The following SOCS2 variants were observed in gnomAD, a reference collection of about 807,000 sequenced individuals.
SOCS2 encodes CIS-2.
SOCS2 carries 10 observed loss-of-function variants against 18.6 expected under a neutral mutation model. The ratio of observed to expected loss-of-function variants is 0.54; its 90% CI spans 0.33 to 0.91. The LOEUF (loss-of-function observed/expected upper bound fraction) is 0.91. Among genes scored for constraint, SOCS2 ranks in the 40% least tolerant of loss-of-function variants. SOCS2 has a pLI of 0.02. For synonymous variants in SOCS2, 104 were observed against 104.0 expected, an observed-to-expected ratio of 1.00 and a Z score of 0.00; for missense variants, 231 against 247.2, an observed-to-expected ratio of 0.93 and a Z score of 0.44.
the SOCS2 span, among the ~76,000 whole-genome samples, chr12:93,617,254 A>G: frequency 6.6e-6 from 1 of 152,082 alleles, no homozygotes. Flanking sequence ...CCAGGGTGGG[A>G]TTTTTAGCAA....
At chr12:93,587,508 C>T (rs1261611351), downstream of SOCS2, among the ~76,000 whole-genome samples, 1 of 151,916 alleles carries the variant, frequency 6.6e-6, no homozygotes, top group Non-Finnish European at 1.5e-5. Flanking sequence ...AGTGAAACCC[C>T]GTCTCTACTA....
chr12:93,588,243 T>C (rs1415760588), downstream of SOCS2, among the ~76,000 whole-genome samples: 3 of 152,232 alleles, frequency 2.0e-5, no homozygotes, highest in East Asian at 3.8e-4. Flanking sequence ...TTACAGTTGT[T>C]GTAGGTATTT....
At chr12:93,587,554 G>A (rs1281668843), downstream of SOCS2, among the ~76,000 whole-genome samples, 3 of 151,840 alleles carry the variant, frequency 2.0e-5, no homozygotes, top group African/African-American at 2.4e-5. Context: ...GGTGGCACGC[G>A]CCTGTAGTCC....
At chr12:93,608,770 C>T in the SOCS2 span, among the ~76,000 whole-genome samples, 2 of 152,134 alleles carry the variant, frequency 1.3e-5, no homozygotes, top group African/African-American at 4.8e-5. Flanking sequence ...CTCCCATTCC[C>T]TGATGGGATG....
At chr12:93,615,787 G>T in the SOCS2 span, among the ~76,000 whole-genome samples, 1 of 152,144 alleles carries the variant, frequency 6.6e-6, no homozygotes, top group Non-Finnish European at 1.5e-5. Flanking sequence ...GTAGAGACAG[G>T]GTTTCACCAT....
chr12:93,570,331 G>A (rs1402362314), upstream of SOCS2: 1 of 152,790 alleles, frequency 6.5e-6, no homozygotes, highest in Non-Finnish European at 1.5e-5. Context: ...GGAGCGCCAG[G>A]GGGAGGGGAC....
At chr12:93,608,431 C>T in the SOCS2 span, among the ~76,000 whole-genome samples, 1 of 152,062 alleles carries the variant, frequency 6.6e-6, no homozygotes, top group Non-Finnish European at 1.5e-5. Flanking sequence ...CTGTTCTGGA[C>T]CTCTGAGAAG....
chr12:93,604,919 C>T, the SOCS2 span, among the ~76,000 whole-genome samples: 640 of 151,884 alleles, frequency 4.2e-3, 5 homozygotes, highest in African/African-American at 0.015. Context: ...CCTTGGCCCC[C>T]GCAAAGTGCT....
At chr12:93,597,399 T>C in the SOCS2 span, among the ~76,000 whole-genome samples, 1 of 151,996 alleles carries the variant, frequency 6.6e-6, no homozygotes. Flanking sequence ...CTGCAAAACC[T>C]CCTTCTCCTG....
rs1210090085 is a variant in SOCS2, at chr12:93,575,209, A to G, written c.*30A>G. 6.8e-7 allele frequency: 1 copy of G among 1,467,526 alleles called. No homozygotes were observed. The allele number at this position is 1,467,526 out of a possible 1,614,324, so 90.9% of individuals were successfully genotyped here. ...TTCTCTTTTTTTAAACATGTCTCAC[A>G]TAGAGTATCTCCGAATGCAGCTATG... is the stretch of plus-strand genomic sequence containing the variant. On this transcript the variant is annotated 3_prime_UTR_variant, in exon 2 of 2. Transcript: ENST00000551556.
chr12:93,618,661 C>G, the SOCS2 span, among the ~76,000 whole-genome samples: 1 of 152,246 alleles, frequency 6.6e-6, no homozygotes, highest in Admixed American at 6.5e-5. Context: ...CTGGCTCCCT[C>G]TGATTCCTTA....
the SOCS2 span, among the ~76,000 whole-genome samples, chr12:93,609,157 C>T: frequency 1.3e-5 from 2 of 151,698 alleles, no homozygotes; most frequent in Non-Finnish European, 2.9e-5. Context: ...TTCGGGAGGC[C>T]GAGGCAGGCA....
chr12:93,604,862 T>C, the SOCS2 span, among the ~76,000 whole-genome samples: 5 of 152,034 alleles, frequency 3.3e-5, no homozygotes, highest in Non-Finnish European at 7.4e-5. Flanking sequence ...GGTCCCACTA[T>C]GTTGCCCAGG....
the SOCS2 span, among the ~76,000 whole-genome samples, chr12:93,621,857 G>A: frequency 6.6e-6 from 1 of 152,096 alleles, no homozygotes. Context: ...TCCCTCATAA[G>A]GTTGTTCTGA....
the SOCS2 span, among the ~76,000 whole-genome samples, chr12:93,596,689 G>C: frequency 6.6e-6 from 1 of 152,190 alleles, no homozygotes; most frequent in Admixed American, 6.5e-5. Flanking sequence ...TTAGCTGGGC[G>C]TGTTGGCCTG....
downstream of SOCS2, among the ~76,000 whole-genome samples, chr12:93,577,128 C>G (rs919140825): frequency 6.6e-6 from 1 of 152,116 alleles, no homozygotes; most frequent in African/African-American, 2.4e-5. Flanking sequence ...TTCTCAGTTA[C>G]TGGGAGTGGG....
chr12:93,591,351 C>A, the SOCS2 span, among the ~76,000 whole-genome samples: 1 of 151,760 alleles, frequency 6.6e-6, no homozygotes, highest in Non-Finnish European at 1.5e-5. Flanking sequence ...TGAATTAGCC[C>A]GGCTAGATAT....
At chr12:93,612,691 T>C in the SOCS2 span, among the ~76,000 whole-genome samples, 1 of 152,216 alleles carries the variant, frequency 6.6e-6, no homozygotes, top group Non-Finnish European at 1.5e-5. Flanking sequence ...TCTCAGTCTA[T>C]CATAGTCCCT....
chr12:93,602,119 G>C, the SOCS2 span, among the ~76,000 whole-genome samples: 1 of 152,074 alleles, frequency 6.6e-6, no homozygotes, highest in Non-Finnish European at 1.5e-5. Context: ...TAAATACAAG[G>C]GCTTGCTGGG....
Sources: gnomAD v4.1 joint callset for allele counts (sites outside exome capture counted in the v4.1 genomes callset) on GRCh38, gnomAD v4.1.1 for gene constraint, MANE v1.5 for transcripts, NCBI Gene and HGNC (gene_info 2026-07-23, HGNC 2026-07-21) for gene names.